APPL2: variants seen among roughly 807,000 people sequenced by gnomAD.
APPL2 encodes the protein adaptor protein, phosphotyrosine interacting with PH domain and leucine zipper 2.
A neutral mutation model predicts 92.7 loss-of-function variants in APPL2; 84 were observed. That is an observed-to-expected ratio of 0.91 (90% CI 0.76 to 1.09). The LOEUF (loss-of-function observed/expected upper bound fraction) is 1.09. Among genes scored for constraint, APPL2 ranks in the 50% least tolerant of loss-of-function variants. The pLI is 0.00. For missense variants in APPL2, 736 were observed against 824.5 expected (o/e 0.89, Z 1.31); for synonymous variants, 291 against 291.0 (o/e 1.00, Z 0.00).
intron 17 of APPL2, 90 bp from the exon 18 acceptor site, chr12:105,177,352 T>A (rs1328465062): frequency 7.4e-7 from 1 of 1,344,400 alleles, no homozygotes; most frequent in Non-Finnish European, 1.1e-6. Context: ...TAAATACAAA[T>A]TCCCCGAAAT....
intron 2 of APPL2, among the ~76,000 whole-genome samples, chr12:105,226,161 A>G (rs1216185895): frequency 1.3e-5 from 2 of 152,234 alleles, no homozygotes; most frequent in Non-Finnish European, 2.9e-5. Context: ...CTTAAAATAT[A>G]TATATGAAAA....
At chr12:105,199,594 C>T (rs1192317439) in intron 9 of APPL2, 63 bp from the exon 10 acceptor site, 5 of 1,536,196 alleles carry the variant, frequency 3.3e-6, no homozygotes, top group Non-Finnish European at 4.4e-6. Flanking sequence ...ACTAAGAAGC[C>T]ACTGGCAGCC....
chr12:105,204,255 G>C (rs1437196873), intron 8 of APPL2, among the ~76,000 whole-genome samples: 2 of 152,168 alleles, frequency 1.3e-5, no homozygotes, highest in African/African-American at 2.4e-5. Context: ...ACAGTTGCAA[G>C]CCTAGATGAT....
At chr12:105,195,543 CCCA>C in intron 12 of APPL2, 39 bp downstream of exon 12, 2 of 1,614,192 alleles carry the variant, frequency 1.2e-6, no homozygotes, top group South Asian at 2.2e-5. Flanking sequence ...CCCAAAGTCA[CCCA>C]CCACGTTAGG....
intron 5 of APPL2, among the ~76,000 whole-genome samples, 177 bp from the exon 6 acceptor site, chr12:105,208,376 C>G (rs532168405): frequency 3.3e-5 from 5 of 152,192 alleles, no homozygotes; most frequent in Non-Finnish European, 1.5e-5. Flanking sequence ...CTGGAACATA[C>G]GGCTTCAACC....
intron 2 of APPL2, among the ~76,000 whole-genome samples, chr12:105,227,793 C>T (rs1310005898): frequency 3.3e-5 from 5 of 152,116 alleles, no homozygotes; most frequent in African/African-American, 1.2e-4. Context: ...CTTAAGTCTC[C>T]CAACCAATAC....
chr12:105,216,880 T>G (rs541313275), intron 4 of APPL2, among the ~76,000 whole-genome samples, 189 bp downstream of exon 4: 18 of 152,280 alleles, frequency 1.2e-4, no homozygotes, highest in Admixed American at 4.6e-4. Context: ...GCCATTCCCC[T>G]CAAACCAGAA....
At chr12:105,198,455 C>G (rs746479532) in intron 10 of APPL2, among the ~76,000 whole-genome samples, 1 of 152,178 alleles carries the variant, frequency 6.6e-6, no homozygotes, top group African/African-American at 2.4e-5. Context: ...TGGCAAATAA[C>G]GACAGAACCC....
intron 2 of APPL2, among the ~76,000 whole-genome samples, chr12:105,220,669 C>T (rs1486798336): frequency 1.3e-5 from 2 of 152,216 alleles, no homozygotes. Flanking sequence ...GGACCATGGG[C>T]CACTCAAGTT....
At chr12:105,185,093 G>A (rs866248503) in intron 17 of APPL2, among the ~76,000 whole-genome samples, 14 of 152,128 alleles carry the variant, frequency 9.2e-5, no homozygotes, top group African/African-American at 2.9e-4. Context: ...CAGTAATGGC[G>A]GATGCCCCTC....
chr12:105,197,867 A>G lies in APPL2; in HGVS notation c.950T>C (p.Val317Ala). The G allele has an allele frequency of 6.2e-7, 1 of 1,614,166 alleles. No individual in the cohort carries two copies. Among genetic ancestry groups the G allele is most frequent in the Non-Finnish European group, 8.5e-7 (1 of 1,180,030 alleles). The change falls in exon 11 of 21, where the codon GTG becomes GCG. Residue 317 changes from valine to alanine, a missense_variant. Val to Ala is a moderately conservative substitution (Grantham distance 64, BLOSUM62 0). Coordinates refer to ENST00000258530, the MANE Select transcript of APPL2 (RefSeq NM_018171.5). ...GNLMCQPRGAVAGGLIQDLDN... is the reference protein window; with the variant it reads ...GNLMCQPRGAAAGGLIQDLDN... ...CAGGTCCTGGATCAAACCTCCAGCC[A>G]CGGCTCCCCTGGGCTGACACATGAG...
rs1035371550 is a variant in APPL2, at chr12:105,195,063, C to G, written c.1241+198G>C. 4.6e-5 allele frequency among the ~76,000 whole-genome samples: 7 copies of G among 152,176 alleles called. 1 individual carries two copies. Among genetic ancestry groups the G allele is most frequent in the Admixed American group, 2.6e-4 (4 of 15,286 alleles). ...GACAGGGATGCTGACATCAGACAGG[C>G]TTGAATCCTGGCTCTACCACTCACA... is the stretch of plus-strand genomic sequence containing the variant. On this transcript the variant is annotated intron_variant, in intron 14 of 20. Coordinates refer to ENST00000258530, the MANE Select transcript of APPL2 (RefSeq NM_018171.5).
chr12:105,217,744 A>G lies in APPL2; in HGVS notation c.154-19T>C, dbSNP rs1592823832. 1.9e-6 allele frequency: 3 copies of G among 1,612,362 alleles called. No homozygotes were observed. Among genetic ancestry groups the G allele is most frequent in the Non-Finnish European group, 2.5e-6 (3 of 1,179,432 alleles). On this transcript the variant is annotated intron_variant, in intron 2 of 20. Coordinates refer to ENST00000258530, the MANE Select transcript of APPL2 (RefSeq NM_018171.5). ...TCTCATTCTGTGGAGAGAAGAGAAA[A>G]AGCAAGTAAGATTAGTCCAATGTAT...
chr12:105,229,307 T>C, intron 1 of APPL2, 84 bp from the exon 2 acceptor site: 2 of 1,243,388 alleles, frequency 1.6e-6, no homozygotes, highest in Non-Finnish European at 2.3e-6. Context: ...CACCCGCACA[T>C]GCAGAAACCA....
intron 2 of APPL2, among the ~76,000 whole-genome samples, chr12:105,225,278 G>A (rs552297385): frequency 5.9e-4 from 90 of 152,134 alleles, no homozygotes; most frequent in Non-Finnish European, 1.1e-3. Flanking sequence ...CGTGAATACC[G>A]CTGGGGATAG....
chr12:105,214,517 TGA>T (rs751473433), intron 4 of APPL2, among the ~76,000 whole-genome samples: 4 of 152,226 alleles, frequency 2.6e-5, no homozygotes, highest in Non-Finnish European at 4.4e-5. Flanking sequence ...TCAACACATC[TGA>T]GAGAGAGCCA....
intron 14 of APPL2, among the ~76,000 whole-genome samples, chr12:105,190,512 A>C (rs1166812503): frequency 6.6e-6 from 1 of 152,224 alleles, no homozygotes; most frequent in Non-Finnish European, 1.5e-5. Flanking sequence ...AATGAACCAA[A>C]GGTCCTGGCT....
rs761934354 is a variant in APPL2, at chr12:105,217,062, A to T, written c.285+7T>A. 5.6e-6 allele frequency: 9 copies of T among 1,597,054 alleles called. No individual in the cohort carries two copies. Among genetic ancestry groups the T allele is most frequent in the South Asian group, 4.5e-5 (4 of 89,396 alleles). Reference sequence around the variant, plus strand: ...TCAAATACAAATTTTCTATGTTGCTATCTTACCTCATCCACCACTTTGGAA... The same window carrying T: ...TCAAATACAAATTTTCTATGTTGCTTTCTTACCTCATCCACCACTTTGGAA... On this transcript the variant is annotated splice_region_variant and intron_variant, in intron 4 of 20. Coordinates refer to ENST00000258530, the MANE Select transcript of APPL2 (RefSeq NM_018171.5).
intron 8 of APPL2, 174 bp downstream of exon 8, chr12:105,206,887 G>A (rs1446873609): frequency 1.1e-5 from 8 of 754,756 alleles, no homozygotes; most frequent in Non-Finnish European, 1.4e-5. Context: ...ATGTCCAGCT[G>A]AAGATGACCC....
Sources: allele counts gnomAD v4.1 joint callset (sites outside exome capture counted in the v4.1 genomes callset), GRCh38; gene constraint gnomAD v4.1.1; transcripts MANE v1.5; gene names NCBI Gene and HGNC (gene_info 2026-07-23, HGNC 2026-07-21).